KIAA2012: variants seen among roughly 807,000 people sequenced by gnomAD.
KIAA2012 encodes uncharacterized protein KIAA2012.
Under a neutral mutation model 150.6 loss-of-function variants are expected in KIAA2012, and 125 were observed. The ratio of observed to expected loss-of-function variants is 0.83; its 90% CI spans 0.72 to 0.96. The LOEUF is 0.96. Ranked by LOEUF, KIAA2012 falls within the 40% of genes least tolerant of loss-of-function variation. The pLI is 0.00. For synonymous variants in KIAA2012, 462 were observed against 504.7 expected (o/e 0.92, Z 1.13); for missense variants, 1,219 against 1,354.9 (o/e 0.90, Z 1.57).
intron 10 of KIAA2012, among the ~76,000 whole-genome samples, chr2:202,110,198 C>T (rs1229350775): frequency 6.6e-6 from 1 of 152,178 alleles, no homozygotes; most frequent in Non-Finnish European, 1.5e-5. Context: ...TCAACTCCAG[C>T]CCAGGGCAGA....
chr2:202,160,139 C>G (rs1489370735), intron 14 of KIAA2012, among the ~76,000 whole-genome samples: 1 of 152,052 alleles, frequency 6.6e-6, no homozygotes, highest in Admixed American at 6.6e-5. Flanking sequence ...GGATTCAAAG[C>G]CAAAAATCCC....
chr2:202,141,040 A>C (rs1040095247), intron 13 of KIAA2012, among the ~76,000 whole-genome samples: 3 of 152,180 alleles, frequency 2.0e-5, no homozygotes, highest in African/African-American at 7.2e-5. Context: ...AGATTTTGAA[A>C]ACAATCTCTG....
chr2:202,113,303 C>A, intron 10 of KIAA2012, 33 bp from the exon 11 acceptor site: 1 of 1,509,166 alleles, frequency 6.6e-7, no homozygotes, highest in East Asian at 2.5e-5. Flanking sequence ...CAACACGGTA[C>A]TGACACTGCC....
At chr2:202,125,427 G>A in intron 12 of KIAA2012, 145 bp downstream of exon 12, 1 of 679,508 alleles carries the variant, frequency 1.5e-6, no homozygotes, top group Non-Finnish European at 2.5e-6. Flanking sequence ...TTCTTGGAAA[G>A]CCTGAGAAAT....
In KIAA2012 at chr2:202,201,258, A is replaced by G. The variant is rs1039031772; in HGVS notation, c.3408-1171A>G. The G allele has an allele frequency of 7.8e-6, 12 of 1,535,186 alleles. No homozygotes were observed. The African/African-American group carries it at 1.4e-4, about 17-fold the overall frequency. ...AGTGCCTGAAAGTTGGGGCACCAGA[A>G]AGACATCCCAACAACATGTGTCTAA... On this transcript the variant is annotated intron_variant, in intron 22 of 23. Transcript: ENST00000498697.
intron 11 of KIAA2012, among the ~76,000 whole-genome samples, chr2:202,123,777 G>T (rs192458050): frequency 1.3e-5 from 2 of 152,144 alleles, no homozygotes; most frequent in Admixed American, 6.6e-5. Context: ...GAATTTTCTA[G>T]GATTCCTTTT....
chr2:202,136,337 G>C (rs561501092), intron 12 of KIAA2012: 1 of 154,824 alleles, frequency 6.5e-6, no homozygotes, highest in Non-Finnish European at 1.4e-5. Context: ...GGCGCATCCG[G>C]AGTTGTTCAT....
intron 13 of KIAA2012, among the ~76,000 whole-genome samples, chr2:202,143,075 A>ATTTTT (rs59488285): frequency 1.4e-4 from 17 of 124,986 alleles, no homozygotes; most frequent in African/African-American, 1.6e-4. Context: ...CACTGGTTTA[A>ATTTTT]TTTTTTTTTT....
Position 202,073,643 on chromosome 2 carries a change from C to T in KIAA2012, c.16C>T (p.Leu6Phe). 1 of 1,550,440 alleles carries T rather than the reference C, an allele frequency of 6.4e-7. No individual in the cohort carries two copies. Among genetic ancestry groups the T allele is most frequent in the Non-Finnish European group, 8.7e-7 (1 of 1,146,934 alleles). The change falls in exon 1 of 24, where the codon CTC becomes TTC. Residue 6 changes from leucine to phenylalanine, a missense_variant. Leu to Phe is a conservative substitution (Grantham distance 22). Coordinates refer to ENST00000498697, the MANE Select transcript of KIAA2012 (RefSeq NM_001277372.4). ...AGAGGGAAACATGTTCACGCTCTCC[C>T]TCCTGAGCCGGGGCCACGGGAAGCT... MFTLS[L>F]LSRGHGKLGQ...
intron 2 of KIAA2012, among the ~76,000 whole-genome samples, chr2:202,080,593 G>A (rs899887320): frequency 5.9e-5 from 9 of 151,566 alleles, no homozygotes; most frequent in African/African-American, 2.2e-4. Context: ...CTACTCGGGA[G>A]GCTAAGGCAG....
At chr2:202,190,636 T>C in intron 19 of KIAA2012, 143 bp downstream of exon 19, 1 of 666,080 alleles carries the variant, frequency 1.5e-6, no homozygotes, top group Non-Finnish European at 2.5e-6. Context: ...TACTTTGGTA[T>C]CTTCTGACCC....
At chr2:202,171,469 C>T (rs1245334533) in intron 15 of KIAA2012, among the ~76,000 whole-genome samples, 3 of 152,228 alleles carry the variant, frequency 2.0e-5, no homozygotes, top group African/African-American at 7.2e-5. Context: ...CCTAGCGCCT[C>T]TCTGCTGCGC....
In KIAA2012 at chr2:202,099,714, C is replaced by T. The variant is rs937362347; in HGVS notation, c.930C>T (p.Ile310=). 8.4e-6 allele frequency: 13 copies of T among 1,550,498 alleles called. No individual in the cohort carries two copies. The highest frequency in any genetic ancestry group is 2.4e-5 in the East Asian group (1 of 40,928). Residue 310 remains isoleucine (I), a synonymous_variant, in exon 6 of 24, where the codon ATC becomes ATT. Coordinates refer to ENST00000498697, the MANE Select transcript of KIAA2012 (RefSeq NM_001277372.4). ...GGAAGGCCTTTGGGCATGGCCGCAT[C>T]GATCACTCTTGGCTCCCAAGTGACA... ...TSRKAFGHGR[I]DHSWLPSDKS...
At chr2:202,176,054 A>G (rs1483436546) in intron 15 of KIAA2012, among the ~76,000 whole-genome samples, 1 of 152,212 alleles carries the variant, frequency 6.6e-6, no homozygotes, top group African/African-American at 2.4e-5. Flanking sequence ...ACCTCACAAA[A>G]TATCAGGTGT....
At chr2:202,100,594 G>T (rs1382506433) in intron 7 of KIAA2012, 145 bp downstream of exon 7, 3 of 833,574 alleles carry the variant, frequency 3.6e-6, no homozygotes, top group Non-Finnish European at 5.2e-6. Flanking sequence ...TGACCAGGTG[G>T]AGCTGAATAG....
At chr2:202,169,356 A>G (rs1239091404) in intron 15 of KIAA2012, among the ~76,000 whole-genome samples, 1 of 152,226 alleles carries the variant, frequency 6.6e-6, no homozygotes, top group Non-Finnish European at 1.5e-5. Context: ...CTGTGAGGAA[A>G]CAGTGCCTCC....
intron 2 of KIAA2012, 59 bp from the exon 3 acceptor site, chr2:202,090,711 T>C: frequency 6.7e-7 from 1 of 1,481,934 alleles, no homozygotes; most frequent in Non-Finnish European, 9.0e-7. Context: ...AACCAGCCTG[T>C]ATCACTGGGT....
intron 4 of KIAA2012, among the ~76,000 whole-genome samples, chr2:202,096,056 C>T (rs1689870730): frequency 2.6e-5 from 4 of 152,198 alleles, no homozygotes; most frequent in Admixed American, 2.0e-4. Context: ...TGCACTCCAG[C>T]CTGGGCAACA....
chr2:202,171,161 TCATA>T (rs1574304566), intron 15 of KIAA2012, among the ~76,000 whole-genome samples: 1 of 142,326 alleles, frequency 7.0e-6, no homozygotes, highest in South Asian at 2.2e-4. Context: ...ACACACACAT[TCATA>T]CATAGACACA....
Sources: allele counts gnomAD v4.1 joint callset (sites outside exome capture counted in the v4.1 genomes callset), GRCh38; gene constraint gnomAD v4.1.1; transcripts MANE v1.5; gene names NCBI Gene and HGNC (gene_info 2026-07-23, HGNC 2026-07-21).